Variants in ALOX5 observed in about 807,000 individuals in gnomAD.
ALOX5 encodes arachidonate 5-lipoxygenase, also known as polyunsaturated fatty acid 5-lipoxygenase.
In ALOX5, 64 loss-of-function variants were observed where a neutral mutation model predicts 87.9. That is an observed-to-expected ratio of 0.73 (90% confidence interval 0.60 to 0.90). ALOX5 has a LOEUF of 0.90. Among genes scored for constraint, ALOX5 ranks in the 40% least tolerant of loss-of-function variants. The pLI is 0.00. For missense variants in ALOX5, 822 were observed against 907.5 expected, an observed-to-expected ratio of 0.91 and a Z score of 1.21; for synonymous variants, 388 against 355.1, an observed-to-expected ratio of 1.09 and a Z score of -1.04.
At chr10:45,422,217 C>T (rs1303519122) in intron 4 of ALOX5, among the ~76,000 whole-genome samples, 1 of 152,148 alleles carries the variant, frequency 6.6e-6, no homozygotes. Context: ...CAGGGTGATT[C>T]CCCTGAGACA....
chr10:45,384,182 G>A (rs1014585963), intron 2 of ALOX5, among the ~76,000 whole-genome samples: 8 of 152,196 alleles, frequency 5.3e-5, no homozygotes, highest in African/African-American at 1.9e-4. Context: ...CCTTGGAGGA[G>A]CTGCGGCCCT....
At chr10:45,443,686 C>A in intron 11 of ALOX5, 42 bp from the exon 12 acceptor site, 1 of 1,598,286 alleles carries the variant, frequency 6.3e-7, no homozygotes, top group Non-Finnish European at 8.5e-7. Flanking sequence ...GCCCTGGGGT[C>A]CTCAGGGACT....
At chr10:45,441,620 C>A (rs992653212) in intron 9 of ALOX5, 190 bp downstream of exon 9, 1 of 545,334 alleles carries the variant, frequency 1.8e-6, no homozygotes, top group East Asian at 3.1e-5. Context: ...CTCCTCCAGG[C>A]GCACCACCAG....
intron 7 of ALOX5, among the ~76,000 whole-genome samples, chr10:45,433,575 AT>A (rs1841976866): frequency 1.3e-5 from 2 of 152,222 alleles, no homozygotes; most frequent in African/African-American, 4.8e-5. Context: ...GGCAGAGTGA[AT>A]TTCAGGAATT....
chr10:45,412,182 C>T lies in ALOX5; in HGVS notation c.432-9C>T, dbSNP rs1322144602. ...TTTAACTCAATTTCTTCTCCTTTCT[C>T]ATGCTCAGATGGATGGAGTGGAACC... On this transcript the variant is annotated splice_polypyrimidine_tract_variant and intron_variant, in intron 3 of 13. Coordinates refer to ENST00000374391, the MANE Select transcript of ALOX5 (RefSeq NM_000698.5). 6.2e-7 allele frequency: 1 copy of T among 1,614,132 alleles called. No homozygotes were observed. Among genetic ancestry groups the T allele is most frequent in the Admixed American group, 1.7e-5 (1 of 60,010 alleles).
chr10:45,426,501 G>A (rs1362734495), intron 6 of ALOX5, among the ~76,000 whole-genome samples: 1 of 152,202 alleles, frequency 6.6e-6, no homozygotes, highest in African/African-American at 2.4e-5. Flanking sequence ...GCAAGCTTGT[G>A]GCCTACTAAA....
chr10:45,409,609 TTCTCTCTCTCTCTTTC>T (rs1029237944), intron 3 of ALOX5, among the ~76,000 whole-genome samples: 3 of 149,416 alleles, frequency 2.0e-5, no homozygotes, highest in Middle Eastern at 3.5e-3. Context: ...CTCTCTTGCT[TTCTCTCTCTCTCTTTC>T]TCTCTCTCTC....
chr10:45,409,129 A>G (rs929366877), intron 3 of ALOX5, among the ~76,000 whole-genome samples: 6 of 152,178 alleles, frequency 3.9e-5, no homozygotes, highest in Non-Finnish European at 7.3e-5. Context: ...CAGCTGTTCA[A>G]ACTGGGCTCA....
In ALOX5 at chr10:45,443,744, C is replaced by G; in HGVS notation, c.1590C>G (p.Val530=). The G allele has an allele frequency of 1.2e-6, 2 of 1,612,236 alleles. No individual in the cohort carries two copies. Among genetic ancestry groups the G allele is most frequent in the Non-Finnish European group, 1.7e-6 (2 of 1,179,386 alleles). The change falls in exon 12 of 14, where the codon GTC becomes GTG. Residue 530 remains valine (V), a synonymous_variant. Transcript: ENST00000374391. ...CCACCCTAGGCTTCCCCAAGTCGGTCAAGAGCCGGGAGCAGCTGTCGGAGT... is the reference window on the plus strand; with the variant it reads ...CCACCCTAGGCTTCCCCAAGTCGGTGAAGAGCCGGGAGCAGCTGTCGGAGT... ...GRKSSGFPKS[V]KSREQLSEYL... is the part of the protein sequence containing the mutation.
intron 4 of ALOX5, among the ~76,000 whole-genome samples, chr10:45,414,383 A>G (rs1841188256): frequency 1.3e-5 from 2 of 152,244 alleles, no homozygotes; most frequent in African/African-American, 2.4e-5. Context: ...CTGGCTAGCC[A>G]TATGTAGAAA....
rs535300245 is a variant in ALOX5, at chr10:45,443,627, G to A, written c.1573+90G>A. The A allele has an allele frequency of 3.8e-3, 6,106 of 1,595,042 alleles. 22 individuals are homozygous for A. The highest frequency in any genetic ancestry group is 4.8e-3 in the Non-Finnish European group (5,581 of 1,171,532). On this transcript the variant is annotated intron_variant, in intron 11 of 13. Coordinates refer to ENST00000374391, the MANE Select transcript of ALOX5 (RefSeq NM_000698.5). ...ACCCCTCCGGGGTGTCCTGCCCAGG[G>A]TGCCCTCCGGCCTTGGGGCAGGGAA...
Position 45,374,292 on chromosome 10 carries a change from A to G in ALOX5, c.13A>G (p.Thr5Ala). MPSY[T>A]VTVATGSQWF... is the part of the protein sequence containing the mutation. ...CGCGGCCCGCGCCATGCCCTCCTAC[A>G]CGGTCACCGTGGCCACTGGCAGCCA... Residue 5 changes from threonine (T) to alanine (A), a missense_variant, in exon 1 of 14, where the codon ACG (threonine) becomes GCG (alanine). Physicochemically the swap from Thr to Ala is moderately conservative, Grantham distance 58. Coordinates refer to ENST00000374391, the MANE Select transcript of ALOX5 (RefSeq NM_000698.5). 6.6e-7 allele frequency: 1 copy of G among 1,512,706 alleles called. No individual in the cohort carries two copies. Among genetic ancestry groups the G allele is most frequent in the South Asian group, 1.2e-5 (1 of 80,972 alleles). The allele number at this position is 1,512,706 out of a possible 1,614,324, so 93.7% of individuals were successfully genotyped here. A position where few individuals can be genotyped will look rare whatever the true frequency, so the allele number is the denominator to read the frequency against.
intron 7 of ALOX5, 141 bp from the exon 8 acceptor site, chr10:45,440,289 C>A: frequency 1.2e-6 from 1 of 847,996 alleles, no homozygotes; most frequent in Non-Finnish European, 1.8e-6. Flanking sequence ...GGGCCCTTTA[C>A]CCCCTCCAGG....
intron 3 of ALOX5, among the ~76,000 whole-genome samples, chr10:45,407,742 CA>C (rs1840934552): frequency 1.3e-5 from 2 of 151,990 alleles, no homozygotes; most frequent in South Asian, 4.2e-4. Context: ...TAAAGTAAGG[CA>C]GGGGAACAAT....
chr10:45,426,693 T>G (rs1190825599), intron 6 of ALOX5, among the ~76,000 whole-genome samples: 1 of 152,244 alleles, frequency 6.6e-6, no homozygotes, highest in Non-Finnish European at 1.5e-5. Flanking sequence ...CCAAGAACTC[T>G]ATTGGCTCAG....
Position 45,428,761 on chromosome 10 carries a change from C to T in ALOX5, c.978C>T (p.Ile326=), listed in dbSNP as rs1841818691. Residue 326 remains isoleucine, a synonymous_variant, in exon 7 of 14, where the codon ATC becomes ATT. Transcript: ENST00000374391. ...NLANKIVPIA[I]QLNQIPGDEN... is the part of the protein sequence containing the mutation. Reference sequence around the variant, plus strand: ...CCAACAAGATTGTCCCCATTGCCATCCAGGTAGGCTGCTGGGGGGCACACC... The same window carrying T: ...CCAACAAGATTGTCCCCATTGCCATTCAGGTAGGCTGCTGGGGGGCACACC... 1 of 1,613,688 alleles carries T rather than the reference C, an allele frequency of 6.2e-7. No individual in the cohort carries two copies. The highest frequency in any genetic ancestry group is 1.7e-5 in the Admixed American group (1 of 59,994).
intron 7 of ALOX5, 46 bp from the exon 8 acceptor site, chr10:45,440,384 C>T (rs749088572): frequency 1.3e-6 from 2 of 1,584,786 alleles, no homozygotes; most frequent in Admixed American, 3.4e-5. Context: ...CAACTATACT[C>T]TGAAGTGAAA....
intron 7 of ALOX5, 64 bp downstream of exon 7, chr10:45,428,828 T>G: frequency 6.3e-7 from 1 of 1,591,838 alleles, no homozygotes; most frequent in South Asian, 1.1e-5. Context: ...GGCTCCTGGG[T>G]GGCTCCATTC....
intron 12 of ALOX5, 120 bp from the exon 13 acceptor site, chr10:45,443,996 G>C: frequency 6.9e-7 from 1 of 1,438,952 alleles, no homozygotes; most frequent in Non-Finnish European, 9.2e-7. Flanking sequence ...CGCGGGGAAA[G>C]AGGATGGACG....
Sources: allele counts gnomAD v4.1 joint callset (sites outside exome capture counted in the v4.1 genomes callset), GRCh38; gene constraint gnomAD v4.1.1; transcripts MANE v1.5; gene names NCBI Gene and HGNC (gene_info 2026-07-23, HGNC 2026-07-21).